POU2F3: variants seen among roughly 807,000 people sequenced by gnomAD.
POU2F3 encodes POU domain, class 2, transcription factor 3.
A neutral mutation model predicts 59.2 loss-of-function variants in POU2F3; 23 were observed. That is an observed-to-expected ratio of 0.39 (90% CI 0.28 to 0.55). The LOEUF (loss-of-function observed/expected upper bound fraction) is 0.55, where lower values mean the gene tolerates loss of function less well. Ranked by LOEUF, POU2F3 falls within the 20% of genes least tolerant of loss-of-function variation. The probability of loss-of-function intolerance (pLI) is 0.66; values close to 1 mark genes in which losing one functional copy is unlikely to be tolerated. For synonymous variants in POU2F3, 190 were observed against 214.6 expected (o/e 0.89, Z 1.00); for missense variants, 473 against 544.5 (o/e 0.87, Z 1.31).
At chr11:120,266,161 C>G (rs1341555133) in intron 2 of POU2F3, among the ~76,000 whole-genome samples, 7 of 152,192 alleles carry the variant, frequency 4.6e-5, no homozygotes, top group Non-Finnish European at 1.0e-4. Flanking sequence ...CAAGTCACCC[C>G]ATCGTAGTGA....
At chr11:120,236,749 G>A (rs910484837), upstream of POU2F3, 14 of 1,427,652 alleles carry the variant, frequency 9.8e-6, no homozygotes, top group African/African-American at 5.7e-5. Flanking sequence ...TCATCTAACT[G>A]AAATGATCAG....
intron 3 of POU2F3, among the ~76,000 whole-genome samples, chr11:120,293,982 G>C (rs1361547887): frequency 6.6e-6 from 1 of 152,134 alleles, no homozygotes; most frequent in Non-Finnish European, 1.5e-5. Flanking sequence ...CATCTCTGAA[G>C]CTCTCTGAGC....
chr11:120,243,094 T>G (rs1938731092), intron 1 of POU2F3, among the ~76,000 whole-genome samples: 1 of 152,116 alleles, frequency 6.6e-6, no homozygotes, highest in Admixed American at 6.5e-5. Flanking sequence ...GCATTTGGGT[T>G]GGAAGGCCTG....
intron 2 of POU2F3, among the ~76,000 whole-genome samples, chr11:120,264,342 C>T (rs1398643704): frequency 6.6e-6 from 1 of 152,180 alleles, no homozygotes; most frequent in Non-Finnish European, 1.5e-5. Flanking sequence ...TGAGATCGCA[C>T]CACTGCACTC....
intron 3 of POU2F3, among the ~76,000 whole-genome samples, chr11:120,288,485 T>G (rs1254990790): frequency 6.6e-6 from 1 of 152,208 alleles, no homozygotes; most frequent in African/African-American, 2.4e-5. Context: ...ACGCTGAATT[T>G]TAGATGACTT....
intron 2 of POU2F3, among the ~76,000 whole-genome samples, chr11:120,264,254 C>T (rs1380587207): frequency 6.6e-6 from 1 of 151,526 alleles, no homozygotes; most frequent in East Asian, 1.9e-4. Flanking sequence ...CATGGTGGCA[C>T]ATGCCTGTAG....
chr11:120,310,508 G>C (rs181646488), intron 10 of POU2F3, among the ~76,000 whole-genome samples: 2 of 152,192 alleles, frequency 1.3e-5, no homozygotes, highest in Admixed American at 1.3e-4. Flanking sequence ...AGAAGCCAGG[G>C]CTGGGAACAA....
At chr11:120,238,403 A>G (rs1414320301), upstream of POU2F3, among the ~76,000 whole-genome samples, 1 of 152,088 alleles carries the variant, frequency 6.6e-6, no homozygotes, top group African/African-American at 2.4e-5. Context: ...CACCCACAGA[A>G]CACTTTCTGA....
intron 2 of POU2F3, among the ~76,000 whole-genome samples, chr11:120,252,542 C>T (rs1448483829): frequency 6.6e-6 from 1 of 152,166 alleles, no homozygotes; most frequent in East Asian, 1.9e-4. Flanking sequence ...TCCCACCCCA[C>T]CTTGTTTCTG....
At chr11:120,278,865 A>C (rs1940445518) in intron 3 of POU2F3, among the ~76,000 whole-genome samples, 2 of 152,226 alleles carry the variant, frequency 1.3e-5, no homozygotes, top group African/African-American at 4.8e-5. Flanking sequence ...ATACCTATGT[A>C]ACAAACCTGC....
At chr11:120,290,858 G>A (rs1397693285) in intron 3 of POU2F3, among the ~76,000 whole-genome samples, 2 of 152,244 alleles carry the variant, frequency 1.3e-5, no homozygotes, top group Non-Finnish European at 2.9e-5. Context: ...GTTCAGGACA[G>A]GGCATGTGCA....
intron 10 of POU2F3, 44 bp from the exon 11 acceptor site, chr11:120,315,317 A>G: frequency 6.5e-7 from 1 of 1,540,518 alleles, no homozygotes; most frequent in Non-Finnish European, 9.0e-7. Context: ...GAAGTTGGAG[A>G]AGGGAGCAGA....
At chr11:120,312,333 G>A (rs1941670811) in intron 10 of POU2F3, among the ~76,000 whole-genome samples, 4 of 152,122 alleles carry the variant, frequency 2.6e-5, no homozygotes, top group Admixed American at 2.6e-4. Context: ...ATGTTGGCCA[G>A]GCTGGTCTTG....
At chr11:120,251,682 G>A (rs1939106872) in intron 2 of POU2F3, among the ~76,000 whole-genome samples, 1 of 151,822 alleles carries the variant, frequency 6.6e-6, no homozygotes, top group Non-Finnish European at 1.5e-5. Context: ...TTCTTTTGGA[G>A]ACATTTCAAA....
intron 10 of POU2F3, among the ~76,000 whole-genome samples, chr11:120,312,760 C>G (rs2135133028): frequency 6.6e-6 from 1 of 152,292 alleles, no homozygotes; most frequent in Admixed American, 6.5e-5. Flanking sequence ...GTGATGAAGG[C>G]TTCAGAGAAG....
chr11:120,246,374 T>G, intron 1 of POU2F3, 75 bp from the exon 2 acceptor site: 2 of 1,410,158 alleles, frequency 1.4e-6, no homozygotes, highest in Non-Finnish European at 2.0e-6. Context: ...ATCTTTGTTA[T>G]TTAGTTAAAG....
chr11:120,260,569 C>G (rs969162282), intron 2 of POU2F3, among the ~76,000 whole-genome samples: 1 of 152,172 alleles, frequency 6.6e-6, no homozygotes, highest in African/African-American at 2.4e-5. Flanking sequence ...TTTAGTGTGC[C>G]TTTTACTCTC....
intron 2 of POU2F3, among the ~76,000 whole-genome samples, chr11:120,248,904 C>G (rs1206941308): frequency 6.6e-6 from 1 of 152,176 alleles, no homozygotes; most frequent in Non-Finnish European, 1.5e-5. Flanking sequence ...CTCAGCAGTG[C>G]ATGAATTAAG....
At chr11:120,299,861 A>G (rs780500177) in intron 5 of POU2F3, 135 bp downstream of exon 5, 68 of 674,834 alleles carry the variant, frequency 1.0e-4, no homozygotes, top group Non-Finnish European at 1.3e-4. Context: ...AGACCTACTT[A>G]TCCACCCCAG....
Sources: allele counts gnomAD v4.1 joint callset (sites outside exome capture counted in the v4.1 genomes callset), GRCh38; gene constraint gnomAD v4.1.1; transcripts MANE v1.5; gene names NCBI Gene and HGNC (gene_info 2026-07-23, HGNC 2026-07-21).